Variants in SPATA6 observed in about 807,000 individuals in gnomAD.
SPATA6 encodes spermatogenesis associated 6.
Under a neutral mutation model 65.3 loss-of-function variants are expected in SPATA6, and 56 were observed. That is an observed-to-expected ratio of 0.86 (90% CI 0.69 to 1.07). The LOEUF (loss-of-function observed/expected upper bound fraction) is 1.07, where lower values mean the gene tolerates loss of function less well. Ranked by LOEUF, SPATA6 falls within the 50% of genes least tolerant of loss-of-function variation. SPATA6 has a pLI of 0.00. For missense variants in SPATA6, 590 were observed against 594.8 expected, an observed-to-expected ratio of 0.99 and a Z score of 0.08; for synonymous variants, 199 against 213.2, an observed-to-expected ratio of 0.93 and a Z score of 0.58.
At chr1:48,313,846 G>A (rs2148675457) in intron 11 of SPATA6, among the ~76,000 whole-genome samples, 1 of 152,100 alleles carries the variant, frequency 6.6e-6, no homozygotes, top group East Asian at 1.9e-4. Flanking sequence ...AGGGATGGAG[G>A]AAGATCAAGC....
At chr1:48,306,812 T>C (rs1434822892) in intron 11 of SPATA6, among the ~76,000 whole-genome samples, 1 of 151,898 alleles carries the variant, frequency 6.6e-6, no homozygotes, top group East Asian at 1.9e-4. Context: ...TGATAGAGCT[T>C]GTTTAAAAAT....
At chr1:48,426,633 A>C (rs950484973) in intron 3 of SPATA6, among the ~76,000 whole-genome samples, 11 of 152,096 alleles carry the variant, frequency 7.2e-5, no homozygotes, top group African/African-American at 2.7e-4. Context: ...TCTAAGAGAT[A>C]AGAAAAAAAA....
chr1:48,364,266 G>A (rs1646920902), intron 9 of SPATA6, among the ~76,000 whole-genome samples: 1 of 152,166 alleles, frequency 6.6e-6, no homozygotes, highest in African/African-American at 2.4e-5. Context: ...AAACATACAT[G>A]TGCATGTGTC....
chr1:48,283,351 TA>T, the SPATA6 span, among the ~76,000 whole-genome samples: 60,190 of 150,634 alleles, frequency 0.4, 12,716 homozygotes, highest in African/African-American at 0.55. Flanking sequence ...AAATAAAAAA[TA>T]AAAAAAATTT....
At chr1:48,317,503 A>G (rs1433931286) in intron 11 of SPATA6, among the ~76,000 whole-genome samples, 3 of 152,042 alleles carry the variant, frequency 2.0e-5, no homozygotes, top group South Asian at 2.1e-4. Flanking sequence ...CAGGAAGGGG[A>G]ACATCACACA....
At chr1:48,332,190 C>A (rs182017402) in intron 11 of SPATA6, among the ~76,000 whole-genome samples, 1 of 152,260 alleles carries the variant, frequency 6.6e-6, no homozygotes, top group Admixed American at 6.5e-5. Context: ...AGCATAACAA[C>A]CACTTAACAA....
In SPATA6 at chr1:48,305,781, T is replaced by A; in HGVS notation, c.1286+6A>T. 5 of 1,599,146 alleles carry A rather than the reference T, an allele frequency of 3.1e-6. No homozygotes were observed. The highest frequency in any genetic ancestry group is 4.3e-6 in the Non-Finnish European group (5 of 1,169,938). On this transcript the variant is annotated splice_donor_region_variant and intron_variant, in intron 12 of 12. Coordinates refer to ENST00000371847, the MANE Select transcript of SPATA6 (RefSeq NM_019073.4). Reference sequence around the variant, plus strand: ...TGAGAAGGATATACATATATTTCATTCATACCTATACTCGGGGTCACTGTC... The same window carrying A: ...TGAGAAGGATATACATATATTTCATACATACCTATACTCGGGGTCACTGTC...
chr1:48,267,552 C>T, the SPATA6 span, among the ~76,000 whole-genome samples: 7 of 151,870 alleles, frequency 4.6e-5, no homozygotes, highest in South Asian at 8.3e-4. Context: ...TGAAGTTGGC[C>T]GCCCAGCAGC....
chr1:48,389,615 G>A (rs1263498259), intron 8 of SPATA6, among the ~76,000 whole-genome samples: 3 of 151,970 alleles, frequency 2.0e-5, no homozygotes, highest in Non-Finnish European at 4.4e-5. Flanking sequence ...GGAATGGGAT[G>A]ATAAATTCAA....
chr1:48,267,432 C>T, the SPATA6 span, among the ~76,000 whole-genome samples: 2 of 152,144 alleles, frequency 1.3e-5, no homozygotes, highest in Non-Finnish European at 2.9e-5. Context: ...AAAATCGAAT[C>T]ACACGTGGGC....
intron 11 of SPATA6, among the ~76,000 whole-genome samples, chr1:48,327,990 T>A (rs928990428): frequency 3.9e-5 from 6 of 152,144 alleles, no homozygotes; most frequent in African/African-American, 1.4e-4. Context: ...AAAAGTTTTT[T>A]AAAAACTCGA....
At chr1:48,373,406 A>G (rs1233293831) in intron 9 of SPATA6, among the ~76,000 whole-genome samples, 1 of 152,144 alleles carries the variant, frequency 6.6e-6, no homozygotes, top group African/African-American at 2.4e-5. Flanking sequence ...TCTGGATTTT[A>G]TTGCCCATAT....
At chr1:48,285,147 G>C in the SPATA6 span, among the ~76,000 whole-genome samples, 2 of 152,172 alleles carry the variant, frequency 1.3e-5, no homozygotes, top group African/African-American at 4.8e-5. Flanking sequence ...GGAATCTGGA[G>C]AGGCACTCTG....
the SPATA6 span, among the ~76,000 whole-genome samples, chr1:48,277,885 G>A: frequency 2.6e-5 from 4 of 152,186 alleles, no homozygotes; most frequent in Non-Finnish European, 5.9e-5. Context: ...TCCTCAAGTG[G>A]GTCCCTGACC....
intron 9 of SPATA6, among the ~76,000 whole-genome samples, chr1:48,376,809 A>G (rs149128337): frequency 6.6e-6 from 1 of 152,268 alleles, no homozygotes; most frequent in East Asian, 1.9e-4. Flanking sequence ...AGCCTATTGT[A>G]CCTAGGCTAC....
At chr1:48,333,481 T>C (rs1645973655) in intron 11 of SPATA6, among the ~76,000 whole-genome samples, 1 of 152,196 alleles carries the variant, frequency 6.6e-6, no homozygotes, top group South Asian at 2.1e-4. Context: ...CTTGTAATCA[T>C]GTGAGTCAAC....
chr1:48,436,262 A>AACGCCT, intron 3 of SPATA6: 2 of 1,613,848 alleles, frequency 1.2e-6, no homozygotes, highest in South Asian at 1.1e-5. Flanking sequence ...TGCAATGAAG[A>AACGCCT]ACGCCTGAAA....
chr1:48,332,609 C>T (rs1645947232), intron 11 of SPATA6, among the ~76,000 whole-genome samples: 1 of 152,190 alleles, frequency 6.6e-6, no homozygotes, highest in African/African-American at 2.4e-5. Context: ...GAGACTTAGA[C>T]TCCCACAGAA....
chr1:48,333,290 G>T (rs369102808), intron 11 of SPATA6, among the ~76,000 whole-genome samples: 1 of 152,160 alleles, frequency 6.6e-6, no homozygotes, highest in South Asian at 2.1e-4. Flanking sequence ...CATCAGACTC[G>T]AAGTTCTTTG....
Sources: gnomAD v4.1 joint callset for allele counts (sites outside exome capture counted in the v4.1 genomes callset) on GRCh38, gnomAD v4.1.1 for gene constraint, MANE v1.5 for transcripts, NCBI Gene and HGNC (gene_info 2026-07-23, HGNC 2026-07-21) for gene names.